Variants in ABL2 observed in about 807,000 individuals in gnomAD.
ABL2 encodes the protein ABL proto-oncogene 2, non-receptor tyrosine kinase.
In ABL2, 49 loss-of-function variants were observed where a neutral mutation model predicts 107.7. The observed-to-expected ratio is 0.45, with a 90% CI of 0.36 to 0.58. The LOEUF (loss-of-function observed/expected upper bound fraction) is 0.58, where lower values mean the gene tolerates loss of function less well. Ranked by LOEUF, ABL2 falls within the 20% of genes least tolerant of loss-of-function variation. The probability of loss-of-function intolerance (pLI) is 0.00; values close to 1 mark genes in which losing one functional copy is unlikely to be tolerated. For missense variants in ABL2, 1,245 were observed against 1,457.0 expected, an observed-to-expected ratio of 0.85 and a Z score of 2.37; for synonymous variants, 549 against 548.6, an observed-to-expected ratio of 1.00 and a Z score of -0.01.
At chr1:179,184,174 A>G (rs1660553412) in intron 1 of ABL2, 4 of 437,986 alleles carry the variant, frequency 9.1e-6, no homozygotes, top group South Asian at 8.6e-5. Flanking sequence ...GAGGAGGACA[A>G]AGACGCACTG....
chr1:179,134,012 A>C (rs2102675411), intron 1 of ABL2, among the ~76,000 whole-genome samples: 1 of 152,324 alleles, frequency 6.6e-6, no homozygotes, highest in South Asian at 2.1e-4. Context: ...TCTCAAAAGC[A>C]TCACAGTTGC....
rs368112502 is a variant in ABL2, at chr1:179,109,137, C to T, written c.2130G>A (p.Ala710=). The T allele has an allele frequency of 8.1e-6, 13 of 1,603,090 alleles. No individual in the cohort carries two copies. Among genetic ancestry groups the T allele is most frequent in the East Asian group, 2.3e-5 (1 of 44,164 alleles). Residue 710 remains alanine, a synonymous_variant, in exon 12 of 12, where the codon GCG becomes GCA. Coordinates refer to ENST00000502732, the MANE Select transcript of ABL2 (RefSeq NM_007314.4). The part of the protein sequence containing the change: ...GFSFTPAQQE[A]NLVPPKCYGG... ...CATAGCACTTGGGTGGCACCAGATT[C>T]GCCTCTTGCTGGGCAGGAGTGAAAG...
At chr1:179,193,958 G>T (rs1012873790) in intron 1 of ABL2, among the ~76,000 whole-genome samples, 2 of 152,020 alleles carry the variant, frequency 1.3e-5, no homozygotes, top group Non-Finnish European at 2.9e-5. Flanking sequence ...GGATGGTCTC[G>T]ATCCTGGCCA....
At chr1:179,178,401 C>CAAAAAACAAAAAAAAAAAAAA (rs1660170463) in intron 1 of ABL2, among the ~76,000 whole-genome samples, 1 of 68,642 alleles carries the variant, frequency 1.5e-5, no homozygotes. Context: ...GACTCTGCCT[C>CAAAAAACAAAAAAAAAAAAAA]AAAAAAAAAA....
intron 1 of ABL2, among the ~76,000 whole-genome samples, chr1:179,200,923 A>C (rs980592827): frequency 6.6e-6 from 1 of 152,212 alleles, no homozygotes; most frequent in African/African-American, 2.4e-5. Flanking sequence ...TTAAAACAAC[A>C]TGTGTAAAAT....
At chr1:179,223,174 G>A (rs1662975362) in intron 1 of ABL2, among the ~76,000 whole-genome samples, 1 of 151,244 alleles carries the variant, frequency 6.6e-6, no homozygotes, top group East Asian at 1.9e-4. Flanking sequence ...AGCACTTTGG[G>A]AGGCCAAGGT....
At chr1:179,130,278 T>C (rs1656160583) in intron 3 of ABL2, among the ~76,000 whole-genome samples, 1 of 152,210 alleles carries the variant, frequency 6.6e-6, no homozygotes, top group African/African-American at 2.4e-5. Context: ...AGATGAGCCA[T>C]GTTGCCAGAC....
chr1:179,112,204 TC>T, intron 10 of ABL2, 104 bp downstream of exon 10: 1 of 986,054 alleles, frequency 1.0e-6, no homozygotes, highest in African/African-American at 1.6e-5. Flanking sequence ...AAACAGAGTC[TC>T]AAACTCCACA....
At chr1:179,143,759 C>G (rs12096906) in intron 1 of ABL2, among the ~76,000 whole-genome samples, 2,274 of 152,298 alleles carry the variant, frequency 0.015, 71 homozygotes, top group African/African-American at 0.051. Context: ...GGCAGTGGCG[C>G]GATCTCGGCT....
chr1:179,197,650 C>A (rs1010368673), intron 1 of ABL2, among the ~76,000 whole-genome samples: 1 of 151,726 alleles, frequency 6.6e-6, no homozygotes. Context: ...GGGTGGATCA[C>A]CTGAGGTCAG....
At position 179,223,704 on chromosome 1, in the gene ABL2, A is replaced by C. The variant is rs78237701; in HGVS notation, c.157+5537T>G. 4.0e-3 allele frequency among the ~76,000 whole-genome samples: 609 copies of C among 152,246 alleles called. 3 individuals are homozygous for C. Among genetic ancestry groups the C allele is most frequent in the Non-Finnish European group, 6.1e-3 (417 of 68,026 alleles). On this transcript the variant is annotated intron_variant, in intron 1 of 11. Coordinates refer to ENST00000502732, the MANE Select transcript of ABL2 (RefSeq NM_007314.4). ...AAGAAAAAAAGAAAAATAAATAAAA[A>C]TAAAAAATGAAGTTTAGTTCTTATA...
At position 179,107,405 on chromosome 1, in the gene ABL2, C is replaced by CCCTA; in HGVS notation, c.*312_*313insTAGG. On this transcript the variant is annotated 3_prime_UTR_variant, in exon 12 of 12. Transcript: ENST00000502732. Reference sequence around the variant, plus strand: ...CTGAGAGCAGCCCTGCCTAGCACTTCCCAGCATTCCAGGTAGGGATGGGCT... The same window carrying CCCTA: ...CTGAGAGCAGCCCTGCCTAGCACTTCCCTACCAGCATTCCAGGTAGGGATGGGCT... 1 of 358,076 alleles carries CCCTA rather than the reference C, an allele frequency of 2.8e-6. No homozygotes were observed. The highest frequency in any genetic ancestry group is 5.0e-6 in the Non-Finnish European group (1 of 198,830). 22.2% of individuals were successfully genotyped at this position (358,076 alleles called of 1,614,324 possible). A position where few individuals can be genotyped will look rare whatever the true frequency, so the allele number is the denominator to read the frequency against.
intron 1 of ABL2, among the ~76,000 whole-genome samples, chr1:179,173,328 GCCACAAACAT>G (rs1659838535): frequency 6.7e-6 from 1 of 148,974 alleles, no homozygotes; most frequent in Admixed American, 6.7e-5. Context: ...GAATAACATA[GCCACAAACAT>G]TAAAGTTAGA....
intron 1 of ABL2, chr1:179,202,028 AT>A (rs147986800): frequency 3.5e-4 from 187 of 538,744 alleles, no homozygotes; most frequent in Middle Eastern, 7.3e-4. Flanking sequence ...ACATCTTGTC[AT>A]TTTTTTTTCT....
chr1:179,110,634 A>T, intron 10 of ABL2, 179 bp from the exon 11 acceptor site: 1 of 1,528,154 alleles, frequency 6.5e-7, no homozygotes, highest in Non-Finnish European at 8.8e-7. Context: ...TCATGTGTGT[A>T]GATTCGTCCA....
rs113814284 is a variant in ABL2, at chr1:179,210,503, CA to C, written c.157+18737del. Among the ~76,000 whole-genome samples the C allele has an allele frequency of 9.7e-3, 912 of 94,080 alleles. 8 individuals are homozygous for C. Among genetic ancestry groups the C allele is most frequent in the African/African-American group, 0.034 (810 of 23,548 alleles). The allele number at this position is 94,080 out of a possible 152,430, so 61.7% of individuals were successfully genotyped here. A position where few individuals can be genotyped will look rare whatever the true frequency, so the allele number is the denominator to read the frequency against. On this transcript the variant is annotated intron_variant, in intron 1 of 11. Coordinates refer to ENST00000502732, the MANE Select transcript of ABL2 (RefSeq NM_007314.4). ...AGTGATAGAGCAAGACTCTAACTCA[CA>C]AAAAAAAAAAAAAAGAAAAAAAAAA...
chr1:179,229,170 G>GGCCCCCCCCCCCCCCCCCCCCCCCCCCC, intron 1 of ABL2, 71 bp downstream of exon 1: 5 of 266,256 alleles, frequency 1.9e-5, no homozygotes, highest in Non-Finnish European at 2.0e-5. Context: ...CAGCCCGTCC[G>GGCCCCCCCCCCCCCCCCCCCCCCCCCCC]CCACCCACCC....
At chr1:179,148,325 A>C (rs967870655) in intron 1 of ABL2, among the ~76,000 whole-genome samples, 3 of 152,072 alleles carry the variant, frequency 2.0e-5, no homozygotes, top group African/African-American at 7.2e-5. Flanking sequence ...ACGGGTGTGA[A>C]CCACCGCACC....
intron 1 of ABL2, among the ~76,000 whole-genome samples, chr1:179,156,922 TAAATAAATAAAA>T (rs1450982941): frequency 3.5e-5 from 5 of 141,666 alleles, no homozygotes; most frequent in Non-Finnish European, 6.2e-5. Flanking sequence ...AATAAATAAA[TAAATAAATAAAA>T]CTCTATTAAA....
Sources: allele counts gnomAD v4.1 joint callset (sites outside exome capture counted in the v4.1 genomes callset), GRCh38; gene constraint gnomAD v4.1.1; transcripts MANE v1.5; gene names NCBI Gene and HGNC (gene_info 2026-07-23, HGNC 2026-07-21).